The following PRICKLE2 variants were observed in gnomAD, a reference collection of about 807,000 sequenced individuals.
PRICKLE2 encodes prickle-like protein 2.
Under a neutral mutation model 81.4 loss-of-function variants are expected in PRICKLE2, and 21 were observed. The observed-to-expected ratio is 0.26, with a 90% CI of 0.18 to 0.37. The LOEUF is 0.37. PRICKLE2 is among the 10% of genes least tolerant of loss of function. PRICKLE2 has a pLI of 1.00. For missense variants in PRICKLE2, 940 were observed against 1,109.0 expected (o/e 0.85, Z 2.16); for synonymous variants, 456 against 421.5 (o/e 1.08, Z -1.00).
intron 2 of PRICKLE2, among the ~76,000 whole-genome samples, chr3:64,259,656 A>T (rs2107188450): frequency 6.6e-6 from 1 of 152,290 alleles, no homozygotes; most frequent in East Asian, 1.9e-4. Flanking sequence ...GATTATGTAG[A>T]TTATACAAGT....
In PRICKLE2 at chr3:64,181,479, T is replaced by G. The variant is rs75064311; in HGVS notation, c.144+17305A>C. On this transcript the variant is annotated intron_variant, in intron 2 of 7. Coordinates refer to ENST00000638394, the MANE Select transcript of PRICKLE2 (RefSeq NM_198859.4). ...CATTGCCTTACTCTACTAGTGCCCT[T>G]TAGTTTTGGTTATCTATTATAATTA... Among the ~76,000 whole-genome samples, 78 of 152,314 alleles carry G rather than the reference T, an allele frequency of 5.1e-4. No homozygotes were observed. The East Asian group carries it at 0.013, about 26-fold the overall frequency.
chr3:64,218,250 C>T (rs2078902679), intron 1 of PRICKLE2, among the ~76,000 whole-genome samples: 1 of 152,158 alleles, frequency 6.6e-6, no homozygotes, highest in African/African-American at 2.4e-5. Context: ...TGCCTTTTAC[C>T]TTAATTTATA....
intron 2 of PRICKLE2, among the ~76,000 whole-genome samples, chr3:64,173,265 C>T (rs2107065075): frequency 6.6e-6 from 1 of 152,184 alleles, no homozygotes; most frequent in South Asian, 2.1e-4. Context: ...GTATGTGATC[C>T]CACTATGAAT....
In PRICKLE2 at chr3:64,131,111, T is replaced by C. The variant is rs150269114; in HGVS notation, c.1660+15719A>G. On this transcript the variant is annotated intron_variant, in intron 7 of 7. Coordinates refer to ENST00000638394, the MANE Select transcript of PRICKLE2 (RefSeq NM_198859.4). The stretch of plus-strand genomic sequence containing the variant: ...CAAACCTGAGATGGCTCTTGAGATT[T>C]GTAAGGCTGAGCCTTGGTCCCAGTC... Among the ~76,000 whole-genome samples, 20 of 152,356 alleles carry C rather than the reference T, an allele frequency of 1.3e-4. No homozygotes were observed. The East Asian group carries it at 3.7e-3, about 28-fold the overall frequency.
intron 2 of PRICKLE2, among the ~76,000 whole-genome samples, chr3:64,246,950 C>A: frequency 6.6e-6 from 1 of 152,210 alleles, no homozygotes; most frequent in East Asian, 1.9e-4. Flanking sequence ...CATTCATTCT[C>A]AGCAATACTT....
rs1250729718 is a variant in PRICKLE2 at position 64,096,168 on chromosome 3, A to C, written c.*2883T>G. On this transcript the variant is annotated 3_prime_UTR_variant, in exon 8 of 8. Transcript: ENST00000638394. ...AGATCAATATTAGGAGAGGTGGGAA[A>C]AATAACAACCAGGGCATTGGAGAAG... is the stretch of plus-strand genomic sequence containing the variant. The C allele has an allele frequency of 6.6e-6, 1 of 152,262 alleles. No individual in the cohort carries two copies. The highest frequency in any genetic ancestry group is 2.4e-5 in the African/African-American group (1 of 41,456). The allele number at this position is 152,262 out of a possible 1,614,324, so 9.4% of individuals were successfully genotyped here. A position where few individuals can be genotyped will look rare whatever the true frequency, so the allele number is the denominator to read the frequency against.
Position 64,258,893 on chromosome 3 carries a change from G to GAAAGAAAGAAAGAAATAAAT in PRICKLE2, c.129-59927_129-59926insATTTATTTCTTTCTTTCTTT, listed in dbSNP as rs796940955. 4.6e-4 allele frequency among the ~76,000 whole-genome samples: 65 copies of GAAAGAAAGAAAGAAATAAAT among 140,976 alleles called. 2 individuals are homozygous for GAAAGAAAGAAAGAAATAAAT. Among genetic ancestry groups the GAAAGAAAGAAAGAAATAAAT allele is most frequent in the African/African-American group, 1.6e-3 (59 of 35,946 alleles). 92.5% of individuals were successfully genotyped at this position (140,976 alleles called of 152,430 possible). ...AGAAAGAAAGAAAGAAAGAAAGAAA[G>GAAAGAAAGAAAGAAATAAAT]AAATCAGGAGAGTGGTTAGAATTAA... On this transcript the variant is annotated intron_variant, in intron 2 of 8. Coordinates refer to the PRICKLE2 transcript ENST00000295902.
At chr3:64,249,350 C>T (rs1430392512) in intron 2 of PRICKLE2, among the ~76,000 whole-genome samples, 1 of 152,168 alleles carries the variant, frequency 6.6e-6, no homozygotes, top group Non-Finnish European at 1.5e-5. Context: ...CATGATCCAA[C>T]CACCTCCCAC....
At chr3:64,145,203 G>A (rs1017913447) in intron 7 of PRICKLE2, among the ~76,000 whole-genome samples, 13 of 146,532 alleles carry the variant, frequency 8.9e-5, no homozygotes, top group Non-Finnish European at 1.6e-4. Context: ...GGGCTCAAGT[G>A]ATCCTCCTGC....
intron 7 of PRICKLE2, among the ~76,000 whole-genome samples, chr3:64,136,356 C>T (rs2077279106): frequency 6.6e-6 from 1 of 151,168 alleles, no homozygotes; most frequent in African/African-American, 2.4e-5. Context: ...CCTATGAGTT[C>T]TCTGGGGGTG....
At chr3:64,105,519 T>C (rs1294873537) in intron 7 of PRICKLE2, among the ~76,000 whole-genome samples, 3 of 152,230 alleles carry the variant, frequency 2.0e-5, no homozygotes, top group African/African-American at 7.2e-5. Context: ...GTGATCCACA[T>C]GGGTGGGATT....
In PRICKLE2 at chr3:64,099,584, G is replaced by A. The variant is rs776915714; in HGVS notation, c.2002C>T (p.Arg668Cys). 10 of 1,613,508 alleles carry A rather than the reference G, an allele frequency of 6.2e-6. No individual in the cohort carries two copies. Among genetic ancestry groups the A allele is most frequent in the Non-Finnish European group, 8.5e-6 (10 of 1,179,784 alleles). The stretch of plus-strand genomic sequence containing the variant: ...CGTGAAGTAGCTCTTCTCCGGGTGC[G>A]TTCACTCATGGGCTGGATCCTCACG... The part of the protein sequence containing the change: ...EGVRIQPMSE[R>C]TRRRATSRDD... Residue 668 changes from arginine (R) to cysteine (C), a missense_variant, in exon 8 of 8, where the codon CGC becomes TGC. Coordinates refer to ENST00000638394, the MANE Select transcript of PRICKLE2 (RefSeq NM_198859.4). This position sits in a 1 kb window ranked among gnomAD's most constrained non-coding sequence, Gnocchi z 4.3.
At chr3:64,237,083 A>T (rs2079193317) in intron 2 of PRICKLE2, among the ~76,000 whole-genome samples, 1 of 152,218 alleles carries the variant, frequency 6.6e-6, no homozygotes, top group Non-Finnish European at 1.5e-5. Flanking sequence ...TTCAGAGGCC[A>T]GGATGAGCAC....
chr3:64,152,279 G>T (rs2077559875), intron 6 of PRICKLE2, among the ~76,000 whole-genome samples: 1 of 152,176 alleles, frequency 6.6e-6, no homozygotes, highest in African/African-American at 2.4e-5. Context: ...GCCACTGGAT[G>T]ATCTGGCTGT....
chr3:64,137,392 C>T (rs1381430158), intron 7 of PRICKLE2, among the ~76,000 whole-genome samples: 1 of 152,154 alleles, frequency 6.6e-6, no homozygotes, highest in African/African-American at 2.4e-5. Flanking sequence ...CTGGCCTCCA[C>T]CCTGGACGAA....
intron 7 of PRICKLE2, among the ~76,000 whole-genome samples, chr3:64,106,514 G>A (rs753670934): frequency 6.6e-6 from 1 of 152,154 alleles, no homozygotes; most frequent in East Asian, 1.9e-4. Context: ...GAGAAACAGG[G>A]CCTGATGCAC....
At position 64,253,093 on chromosome 3, in the gene PRICKLE2, C is replaced by T. The variant is rs575316714; in HGVS notation, c.129-54126G>A. On this transcript the variant is annotated intron_variant, in intron 2 of 8. Transcript: ENST00000295902. ...CAGAAAATCTTAAAGACTAGAAGCC[C>T]TAGGTTAAAAATAAAAGCTCTGGAA... 8.5e-5 allele frequency among the ~76,000 whole-genome samples: 13 copies of T among 152,184 alleles called. No homozygotes were observed. In the East Asian group the frequency reaches 2.1e-3, roughly 25 times the overall value.
intron 2 of PRICKLE2, among the ~76,000 whole-genome samples, chr3:64,198,209 C>G (rs2107113852): frequency 1.4e-5 from 2 of 141,244 alleles, no homozygotes; most frequent in South Asian, 4.6e-4. Flanking sequence ...GAGACTCTAT[C>G]TAAAATAAAT....
At chr3:64,104,196 T>C (rs1416972991) in intron 7 of PRICKLE2, among the ~76,000 whole-genome samples, 1 of 152,052 alleles carries the variant, frequency 6.6e-6, no homozygotes, top group Non-Finnish European at 1.5e-5. Flanking sequence ...TACATACAAA[T>C]CATAAAAGCC....
Sources: gnomAD v4.1 joint callset for allele counts (sites outside exome capture counted in the v4.1 genomes callset) on GRCh38, gnomAD v4.1.1 for gene constraint, Gnocchi (gnomAD v3.1) non-coding constraint, MANE v1.5 for transcripts, NCBI Gene and HGNC (gene_info 2026-07-23, HGNC 2026-07-21) for gene names.